CHD3: variants seen among roughly 807,000 people sequenced by gnomAD.
CHD3 encodes the protein ATP-dependent chromatin remodeler CHD3.
CHD3 carries 52 observed loss-of-function variants against 248.9 expected under a neutral mutation model. The ratio of observed to expected loss-of-function variants is 0.21; its 90% confidence interval spans 0.17 to 0.26. The LOEUF (loss-of-function observed/expected upper bound fraction) is 0.26, where lower values mean the gene tolerates loss of function less well. Ranked by LOEUF, CHD3 falls within the 10% of genes least tolerant of loss-of-function variation. The pLI, the probability that CHD3 is intolerant of heterozygous loss-of-function variation, is 1.00. For missense variants in CHD3, 1,482 were observed against 2,605.8 expected (o/e 0.57, Z 9.39); for synonymous variants, 985 against 985.2 (o/e 1.00, Z 0.00).
rs1970077437 is a variant in CHD3, at chr17:7,899,663, C to T, written c.2544+120C>T. ...TTCTCCTCTTCCTCCACCTGTCCTC[C>T]TGTCTCTGCACTACCATCCTAGAGA... On this transcript the variant is annotated intron_variant, in intron 15 of 39. Coordinates refer to ENST00000330494, the MANE Select transcript of CHD3 (RefSeq NM_001005273.3). The surrounding 1 kb of genome is among the most constrained non-coding windows in gnomAD (Gnocchi z 6.8). 9.0e-7 allele frequency: 1 copy of T among 1,108,454 alleles called. No homozygotes were observed. Among genetic ancestry groups the T allele is most frequent in the African/African-American group, 1.5e-5 (1 of 64,570 alleles). The allele number at this position is 1,108,454 out of a possible 1,614,324, so 68.7% of individuals were successfully genotyped here.
In CHD3 at chr17:7,912,076, G is replaced by A. The variant is rs1253629587; in HGVS notation, c.*491G>A. The A allele has an allele frequency of 7.6e-6, 2 of 263,812 alleles. No homozygotes were observed. Among genetic ancestry groups the A allele is most frequent in the African/African-American group, 4.6e-5 (2 of 43,212 alleles). The allele number at this position is 263,812 out of a possible 1,614,324, so 16.3% of individuals were successfully genotyped here. On this transcript the variant is annotated 3_prime_UTR_variant, in exon 40 of 40. Coordinates refer to ENST00000330494, the MANE Select transcript of CHD3 (RefSeq NM_001005273.3). ...GAAAATGAGCCCTGGGAGGGAGGAA[G>A]GGACGAGGAGGGGTGGCTGCATGTT...
In CHD3 at chr17:7,903,706, G is replaced by C; in HGVS notation, c.3728-119G>C. The stretch of plus-strand genomic sequence containing the variant: ...ACAAAACAAAAACCTTTCAACATTG[G>C]CTCCCGGGGAAAAAGCCTTCTCTAG... On this transcript the variant is annotated intron_variant, in intron 23 of 39. Coordinates refer to ENST00000330494, the MANE Select transcript of CHD3 (RefSeq NM_001005273.3). The surrounding 1 kb of genome is among the most constrained non-coding windows in gnomAD (Gnocchi z 6.8). 2.5e-6 allele frequency: 3 copies of C among 1,190,008 alleles called. No homozygotes were observed. The highest frequency in any genetic ancestry group is 3.5e-6 in the Non-Finnish European group (3 of 852,916). The allele number at this position is 1,190,008 out of a possible 1,614,324, so 73.7% of individuals were successfully genotyped here. A position where few individuals can be genotyped will look rare whatever the true frequency, so the allele number is the denominator to read the frequency against.
At position 7,900,003 on chromosome 17, in the gene CHD3, G is replaced by A. The variant is rs1451910819; in HGVS notation, c.2652G>A (p.Glu884=). The stretch of plus-strand genomic sequence containing the variant: ...GCTGGGCCTGTCTTGTGGTAGATGA[G>A]GCCCATCGACTCAAGAACAACCAGT... ...SIRWACLVVD[E]AHRLKNNQSK... The change falls in exon 16 of 40, where the codon GAG becomes GAA. Residue 884 remains glutamate, a synonymous_variant. Transcript: ENST00000330494. This position sits in a 1 kb window ranked among gnomAD's most constrained non-coding sequence, Gnocchi z 6.5. The A allele has an allele frequency of 2.5e-6, 4 of 1,613,360 alleles. No individual in the cohort carries two copies. The highest frequency in any genetic ancestry group is 2.7e-5 in the African/African-American group (2 of 74,872).
chr17:7,889,838 C>T lies in CHD3; in HGVS notation c.213+62C>T, dbSNP rs1968568608. The T allele has an allele frequency of 3.4e-6, 5 of 1,461,484 alleles. No individual in the cohort carries two copies. The highest frequency in any genetic ancestry group is 4.7e-6 in the Non-Finnish European group (5 of 1,061,582). The allele number at this position is 1,461,484 out of a possible 1,614,324, so 90.5% of individuals were successfully genotyped here. ...CAAGAGACCCATTCTCAGAGACCTACATTTTCTCTGGTCCTGATTACTGGT... is the reference window on the plus strand; with the variant it reads ...CAAGAGACCCATTCTCAGAGACCTATATTTTCTCTGGTCCTGATTACTGGT... On this transcript the variant is annotated intron_variant, in intron 2 of 39. Coordinates refer to ENST00000330494, the MANE Select transcript of CHD3 (RefSeq NM_001005273.3). This position sits in a 1 kb window ranked among gnomAD's most constrained non-coding sequence, Gnocchi z 4.5.
rs79342851 is a variant in CHD3 at position 7,899,575 on chromosome 17, C to T, written c.2544+32C>T. The T allele has an allele frequency of 3.8e-4, 602 of 1,586,580 alleles. 5 individuals carry two copies. In the East Asian group the frequency reaches 0.011, roughly 29 times the overall value. ...CCCTCTACCTCATATCCTCTGAGACCCTCAAAGCTGTCACTTCTTTTTCTC... is the reference window on the plus strand; with the variant it reads ...CCCTCTACCTCATATCCTCTGAGACTCTCAAAGCTGTCACTTCTTTTTCTC... On this transcript the variant is annotated intron_variant, in intron 15 of 39. Coordinates refer to ENST00000330494, the MANE Select transcript of CHD3 (RefSeq NM_001005273.3). The surrounding 1 kb of genome is among the most constrained non-coding windows in gnomAD (Gnocchi z 6.8).
At chr17:7,892,915 C>T (rs1292345617) in intron 4 of CHD3, among the ~76,000 whole-genome samples, 2 of 152,044 alleles carry the variant, frequency 1.3e-5, no homozygotes, top group East Asian at 1.9e-4. Flanking sequence ...GCCTCAGCCT[C>T]AGGTGCTGCC....
rs1346831894 is a variant in CHD3, at chr17:7,889,297, C to T, written c.100+197C>T. ...AGGCCAGCAGCTGGGCATGGCTTCCCCAGTTCCTGGGCAGGATGCCAGCTG... is the reference window on the plus strand; with the variant it reads ...AGGCCAGCAGCTGGGCATGGCTTCCTCAGTTCCTGGGCAGGATGCCAGCTG... On this transcript the variant is annotated intron_variant, in intron 1 of 39. Transcript: ENST00000330494. The surrounding 1 kb of genome is among the most constrained non-coding windows in gnomAD (Gnocchi z 4.5). Among the ~76,000 whole-genome samples the T allele has an allele frequency of 6.6e-6, 1 of 152,230 alleles. No homozygotes were observed. Among genetic ancestry groups the T allele is most frequent in the African/African-American group, 2.4e-5 (1 of 41,468 alleles).
At chr17:7,902,116 A>G (rs1263809488) in intron 20 of CHD3, among the ~76,000 whole-genome samples, 1 of 152,142 alleles carries the variant, frequency 6.6e-6, no homozygotes, top group Non-Finnish European at 1.5e-5. Context: ...AAACAATCTT[A>G]AATCAAGAGA....
chr17:7,887,330 G>GT (rs1968125977), upstream of CHD3, among the ~76,000 whole-genome samples: 1 of 151,942 alleles, frequency 6.6e-6, no homozygotes, highest in Non-Finnish European at 1.5e-5. Context: ...TCCTTACATT[G>GT]TTAAACGTTT....
chr17:7,904,414 A>G lies in CHD3; in HGVS notation c.3895-28A>G, dbSNP rs1343654132. On this transcript the variant is annotated intron_variant, in intron 24 of 39. Coordinates refer to ENST00000330494, the MANE Select transcript of CHD3 (RefSeq NM_001005273.3). This position sits in a 1 kb window ranked among gnomAD's most constrained non-coding sequence, Gnocchi z 4.4. ...AGGATTAGCAAAGAAGGAGACCCCC[A>G]GTGTTCATTCATTCTGTTGCCCTTC... The G allele has an allele frequency of 6.3e-7, 1 of 1,598,548 alleles. No homozygotes were observed. Among genetic ancestry groups the G allele is most frequent in the African/African-American group, 1.3e-5 (1 of 74,708 alleles).
rs375857053 is a variant in CHD3, at chr17:7,906,101, T to C, written c.4358+112T>C. 8.3e-5 allele frequency: 120 copies of C among 1,451,784 alleles called. No individual in the cohort carries two copies. The African/African-American group carries it at 1.3e-3, about 15-fold the overall frequency. 89.9% of individuals were successfully genotyped at this position (1,451,784 alleles called of 1,614,324 possible). A position where few individuals can be genotyped will look rare whatever the true frequency, so the allele number is the denominator to read the frequency against. On this transcript the variant is annotated intron_variant, in intron 28 of 39. Transcript: ENST00000330494. The surrounding 1 kb of genome is among the most constrained non-coding windows in gnomAD (Gnocchi z 5.0). ...GACCTTACTCAACTGATTATCACCCTCCCTGTCATACAATACTTCCTGGCT... is the reference window on the plus strand; with the variant it reads ...GACCTTACTCAACTGATTATCACCCCCCCTGTCATACAATACTTCCTGGCT...
Position 7,889,170 on chromosome 17 carries a change from A to C in CHD3, c.100+70A>C. 1 of 1,597,184 alleles carries C rather than the reference A, an allele frequency of 6.3e-7. No individual in the cohort carries two copies. The highest frequency in any genetic ancestry group is 8.6e-7 in the Non-Finnish European group (1 of 1,167,442). On this transcript the variant is annotated intron_variant, in intron 1 of 39. Transcript: ENST00000330494. This position sits in a 1 kb window ranked among gnomAD's most constrained non-coding sequence, Gnocchi z 4.5. ...AAGGATGTCAGGGCCCCAGGGTGTT[A>C]GTGTGAGAACCCAGGTGTCCACCTT... is the stretch of plus-strand genomic sequence containing the variant.
Position 7,895,715 on chromosome 17 carries a change from T to C in CHD3, c.1707+173T>C, listed in dbSNP as rs961029063. On this transcript the variant is annotated intron_variant, in intron 10 of 39. Transcript: ENST00000330494. The surrounding 1 kb of genome is among the most constrained non-coding windows in gnomAD (Gnocchi z 4.9). ...CATATGTGGTTCTTTTGGTCTACAG[T>C]CCTCTTTCTCTCAGTCTCCGTTAGC... 19 of 616,338 alleles carry C rather than the reference T, an allele frequency of 3.1e-5. No homozygotes were observed. In the Middle Eastern group the frequency reaches 3.0e-3, roughly 97 times the overall value. The allele number at this position is 616,338 out of a possible 1,614,324, so 38.2% of individuals were successfully genotyped here.
chr17:7,911,468 C>T lies in CHD3; in HGVS notation c.5886C>T (p.Ala1962=), dbSNP rs1283623605. The change falls in exon 40 of 40, where the codon GCC becomes GCT. Residue 1962 remains alanine (A), a synonymous_variant. Coordinates refer to ENST00000330494, the MANE Select transcript of CHD3 (RefSeq NM_001005273.3). This position sits in a 1 kb window ranked among gnomAD's most constrained non-coding sequence, Gnocchi z 5.4. Reference sequence around the variant, plus strand: ...CCTTACCCCTTTCCCAAACAGCCGCCACCAACGGCCCTCCAGTGCTTGTGA... The same window carrying T: ...CCTTACCCCTTTCCCAAACAGCCGCTACCAACGGCCCTCCAGTGCTTGTGA... The part of the protein sequence containing the change: ...QMPAGSFITA[A]TNGPPVLVKK... The T allele has an allele frequency of 6.2e-7, 1 of 1,614,044 alleles. No homozygotes were observed. The highest frequency in any genetic ancestry group is 8.5e-7 in the Non-Finnish European group (1 of 1,180,028).
rs1177488325 is a variant in CHD3, at chr17:7,911,868, G to C, written c.*283G>C. The C allele has an allele frequency of 6.8e-6, 5 of 738,314 alleles. No individual in the cohort carries two copies. In the Admixed American group the frequency reaches 1.6e-4, roughly 24 times the overall value. 45.7% of individuals were successfully genotyped at this position (738,314 alleles called of 1,614,324 possible). ...CTTCCAAGTACCTTCCTCCCACACT[G>C]CCAAGTATACACAACTTCCCAGTAA... On this transcript the variant is annotated 3_prime_UTR_variant, in exon 40 of 40. Coordinates refer to ENST00000330494, the MANE Select transcript of CHD3 (RefSeq NM_001005273.3). This position sits in a 1 kb window ranked among gnomAD's most constrained non-coding sequence, Gnocchi z 5.4.
rs980162089 is a variant in CHD3, at chr17:7,903,646, G to A, written c.3727+143G>A. 29 of 1,004,572 alleles carry A rather than the reference G, an allele frequency of 2.9e-5. No individual in the cohort carries two copies. The highest frequency in any genetic ancestry group is 4.2e-5 in the Non-Finnish European group (29 of 688,694). 62.2% of individuals were successfully genotyped at this position (1,004,572 alleles called of 1,614,324 possible). ...TTCTTTTAGTAGCCCTTGGAGGAAG[G>A]TTGGCCTCTTTCTTTGCCTGTAGGG... On this transcript the variant is annotated intron_variant, in intron 23 of 39. Transcript: ENST00000330494. The surrounding 1 kb of genome is among the most constrained non-coding windows in gnomAD (Gnocchi z 6.8).
intron 20 of CHD3, 36 bp downstream of exon 20, chr17:7,901,411 C>T (rs917621212): frequency 8.5e-6 from 13 of 1,528,528 alleles, no homozygotes; most frequent in Admixed American, 1.9e-5. Context: ...ACATCTGCTT[C>T]CTCTTCCCTC....
rs1263549433 is a variant in CHD3, at chr17:7,900,235, G to A, written c.2683-55G>A. On this transcript the variant is annotated intron_variant, in intron 16 of 39. Coordinates refer to ENST00000330494, the MANE Select transcript of CHD3 (RefSeq NM_001005273.3). The surrounding 1 kb of genome is among the most constrained non-coding windows in gnomAD (Gnocchi z 6.5). ...CAGGGAAAGGCTGATGCTGTGGGTC[G>A]GTCACTTGTCACTAATAAGCCCATT... The A allele has an allele frequency of 1.9e-5, 31 of 1,609,464 alleles. No homozygotes were observed. The highest frequency in any genetic ancestry group is 1.7e-4 in the South Asian group (15 of 90,546).
At chr17:7,887,422 CGA>C (rs1270267779), upstream of CHD3, among the ~76,000 whole-genome samples, 1 of 124,430 alleles carries the variant, frequency 8.0e-6, no homozygotes, top group African/African-American at 3.2e-5. Flanking sequence ...TCTGGCAAGT[CGA>C]GAGAAATAAT....
Sources: allele counts gnomAD v4.1 joint callset (sites outside exome capture counted in the v4.1 genomes callset), GRCh38; gene constraint gnomAD v4.1.1; non-coding constraint Gnocchi (gnomAD v3.1); transcripts MANE v1.5; gene names NCBI Gene and HGNC (gene_info 2026-07-23, HGNC 2026-07-21).